RALGAPA2: variants seen among roughly 807,000 people sequenced by gnomAD.
The protein encoded by RALGAPA2 is Ral GTPase activating protein catalytic subunit alpha 2.
A neutral mutation model predicts 230.4 loss-of-function variants in RALGAPA2; 139 were observed. The ratio of observed to expected loss-of-function variants is 0.60; its 90% CI spans 0.53 to 0.69. The LOEUF is 0.69. Among genes scored for constraint, RALGAPA2 ranks in the 30% least tolerant of loss-of-function variants. The pLI, the probability that RALGAPA2 is intolerant of heterozygous loss-of-function variation, is 0.00. For missense variants in RALGAPA2, 2,163 were observed against 2,276.0 expected, an observed-to-expected ratio of 0.95 and a Z score of 1.01; for synonymous variants, 847 against 837.8, an observed-to-expected ratio of 1.01 and a Z score of -0.19.
chr20:20,611,886 T>C (rs1431382779), intron 13 of RALGAPA2, among the ~76,000 whole-genome samples: 1 of 152,128 alleles, frequency 6.6e-6, no homozygotes, highest in African/African-American at 2.4e-5. Flanking sequence ...ACACACACAG[T>C]CAGTATCTTG....
chr20:20,440,243 A>G (rs1246056770), intron 37 of RALGAPA2, among the ~76,000 whole-genome samples: 4 of 152,172 alleles, frequency 2.6e-5, no homozygotes, highest in Non-Finnish European at 4.4e-5. Context: ...TCAAAGAAAC[A>G]GGGTATTTGG....
rs367935633 is a variant in RALGAPA2 at position 20,396,448 on chromosome 20, G to A, written c.*35+247C>T. Among the ~76,000 whole-genome samples the A allele has an allele frequency of 3.3e-5, 5 of 152,264 alleles. No homozygotes were observed. The East Asian group carries it at 7.7e-4, about 23-fold the overall frequency. The stretch of plus-strand genomic sequence containing the variant: ...AGGGCAGGCGACAAAGACATTTTCC[G>A]GGATGGCAGGTGTTGGTGTCGGATT... On this transcript the variant is annotated intron_variant, in intron 39 of 39. Transcript: ENST00000202677.
chr20:20,541,012 C>T (rs1375290822), intron 24 of RALGAPA2, among the ~76,000 whole-genome samples: 1 of 150,586 alleles, frequency 6.6e-6, no homozygotes, highest in Non-Finnish European at 1.5e-5. Context: ...CATTATATAT[C>T]GCAATCTAGG....
chr20:20,622,597 A>G (rs1382129307), intron 10 of RALGAPA2, among the ~76,000 whole-genome samples: 1 of 152,234 alleles, frequency 6.6e-6, no homozygotes, highest in Non-Finnish European at 1.5e-5. Flanking sequence ...TTTGACACCC[A>G]GAAATAAAAC....
chr20:20,412,190 G>C, intron 37 of RALGAPA2, 42 bp from the exon 38 acceptor site: 1 of 1,607,180 alleles, frequency 6.2e-7, no homozygotes. Context: ...GTGCAAAGTG[G>C]CATGCAGAGC....
intron 37 of RALGAPA2, among the ~76,000 whole-genome samples, chr20:20,457,948 C>T (rs114033754): frequency 0.025 from 3,821 of 152,240 alleles, 188 homozygotes; most frequent in African/African-American, 0.088. Flanking sequence ...AGGGCACAGG[C>T]CTCCCCTGAA....
chr20:20,399,251 G>A (rs540249305), intron 38 of RALGAPA2, among the ~76,000 whole-genome samples: 1 of 150,794 alleles, frequency 6.6e-6, no homozygotes, highest in Non-Finnish European at 1.5e-5. Context: ...GGAGGCTGAG[G>A]CAGGAGAATC....
chr20:20,520,657 A>T (rs1237819884), intron 31 of RALGAPA2, among the ~76,000 whole-genome samples: 1 of 152,098 alleles, frequency 6.6e-6, no homozygotes, highest in Non-Finnish European at 1.5e-5. Context: ...GAGGATAGAA[A>T]ATGAGCCTTT....
intron 37 of RALGAPA2, among the ~76,000 whole-genome samples, chr20:20,425,129 C>T (rs529377608): frequency 3.3e-5 from 5 of 152,200 alleles, no homozygotes; most frequent in Admixed American, 6.5e-5. Flanking sequence ...ATATGATATA[C>T]GATAGATAAC....
chr20:20,599,989 A>T (rs899595685), intron 16 of RALGAPA2, among the ~76,000 whole-genome samples: 1 of 149,692 alleles, frequency 6.7e-6, no homozygotes, highest in African/African-American at 2.5e-5. Flanking sequence ...AATAAAAAAT[A>T]AAAAAAAAAT....
At chr20:20,608,078 T>A (rs1156846122) in intron 14 of RALGAPA2, among the ~76,000 whole-genome samples, 1 of 152,228 alleles carries the variant, frequency 6.6e-6, no homozygotes, top group Non-Finnish European at 1.5e-5. Context: ...GTCACATTTC[T>A]CATTAAAAAT....
intron 24 of RALGAPA2, among the ~76,000 whole-genome samples, chr20:20,539,967 C>A (rs1359073546): frequency 6.6e-6 from 1 of 152,190 alleles, no homozygotes; most frequent in African/African-American, 2.4e-5. Context: ...GAATAACACT[C>A]CACTGGAGAT....
intron 28 of RALGAPA2, 72 bp downstream of exon 28, chr20:20,526,180 A>C: frequency 2.7e-6 from 3 of 1,112,746 alleles, no homozygotes; most frequent in South Asian, 1.5e-5. Context: ...TTGAATATCT[A>C]TAATTAATTA....
chr20:20,489,904 A>G (rs2062008214), intron 36 of RALGAPA2, among the ~76,000 whole-genome samples: 1 of 152,234 alleles, frequency 6.6e-6, no homozygotes, highest in Non-Finnish European at 1.5e-5. Context: ...GCCATTTGGT[A>G]TGCATTTACA....
chr20:20,652,209 A>G (rs1016736642), intron 4 of RALGAPA2, among the ~76,000 whole-genome samples: 6 of 152,098 alleles, frequency 3.9e-5, no homozygotes, highest in African/African-American at 1.4e-4. Context: ...TAGGATTTAG[A>G]ATTTTGGAAT....
intron 36 of RALGAPA2, among the ~76,000 whole-genome samples, chr20:20,480,483 G>A (rs1426871412): frequency 3.3e-5 from 5 of 152,190 alleles, no homozygotes; most frequent in Non-Finnish European, 5.9e-5. Context: ...TCCCTATGAT[G>A]ATAGTCTCTG....
intron 37 of RALGAPA2, among the ~76,000 whole-genome samples, chr20:20,413,917 C>T (rs1461643418): frequency 6.6e-6 from 1 of 152,214 alleles, no homozygotes; most frequent in Non-Finnish European, 1.5e-5. Flanking sequence ...CCTGCTCAGG[C>T]CCAATTCTAG....
Position 20,524,878 on chromosome 20 carries a change from A to C in RALGAPA2, c.3714T>G (p.Ala1238=), listed in dbSNP as rs1480668547. The C allele has an allele frequency of 1.9e-6, 3 of 1,609,946 alleles. No homozygotes were observed. The East Asian group carries it at 6.7e-5, about 36-fold the overall frequency. ...KMAEILVATV[A]FLLPSAEYSS... is the part of the protein sequence containing the mutation. ...AGTACTCTGCACTTGGTAAAAGAAA[A>C]GCAACTGTGGCCACGAGGATCTGCA... Residue 1238 remains alanine (A), a synonymous_variant, in exon 29 of 40, where the codon GCT becomes GCG. Transcript: ENST00000202677.
intron 13 of RALGAPA2, among the ~76,000 whole-genome samples, chr20:20,615,561 G>C (rs2066114490): frequency 6.6e-6 from 1 of 152,114 alleles, no homozygotes; most frequent in African/African-American, 2.4e-5. Flanking sequence ...AGATGAAAAG[G>C]AAAAAACGTA....
Sources: allele counts gnomAD v4.1 joint callset (sites outside exome capture counted in the v4.1 genomes callset), GRCh38; gene constraint gnomAD v4.1.1; transcripts MANE v1.5; gene names NCBI Gene and HGNC (gene_info 2026-07-23, HGNC 2026-07-21).